The following PDCD2L variants were observed in gnomAD, a reference collection of about 807,000 sequenced individuals.
PDCD2L encodes uS5 assembly chaperone PDCD2L.
PDCD2L carries 44 observed loss-of-function variants against 40.4 expected under a neutral mutation model. That is an observed-to-expected ratio of 1.09 (90% CI 0.86 to 1.40). The LOEUF (loss-of-function observed/expected upper bound fraction) is 1.40, where lower values mean the gene tolerates loss of function less well. Ranked by LOEUF, PDCD2L falls within the 40% of genes most tolerant of loss-of-function variation. The pLI is 0.00. For missense variants in PDCD2L, 470 were observed against 453.7 expected (o/e 1.04, Z -0.33); for synonymous variants, 194 against 174.6 (o/e 1.11, Z -0.88).
At chr19:34,404,588 G>A in intron 1 of PDCD2L, 50 bp downstream of exon 1, 2 of 1,587,268 alleles carry the variant, frequency 1.3e-6, no homozygotes, top group Non-Finnish European at 1.7e-6. Flanking sequence ...TGAAGGGTGC[G>A]GAGGGAGTGG....
At chr19:34,408,884 C>T (rs1373852347) in intron 3 of PDCD2L, among the ~76,000 whole-genome samples, 1 of 152,170 alleles carries the variant, frequency 6.6e-6, no homozygotes. Flanking sequence ...TCCTGCAATA[C>T]ATGAAGCACA....
At chr19:34,412,105 C>T (rs138000005) in intron 4 of PDCD2L, among the ~76,000 whole-genome samples, 2,303 of 151,552 alleles carry the variant, frequency 0.015, 54 homozygotes, top group African/African-American at 0.054. Flanking sequence ...TTGCAACCTC[C>T]ACCTCCCAGG....
intron 4 of PDCD2L, among the ~76,000 whole-genome samples, chr19:34,410,850 T>A (rs1266338960): frequency 6.6e-6 from 1 of 151,368 alleles, no homozygotes; most frequent in Non-Finnish European, 1.5e-5. Context: ...AGTGGTGCGA[T>A]CTCGGCTCAC....
rs754032924 is a variant in PDCD2L, at chr19:34,419,773, C to CTTTTTTTTTTTTTT, written c.798-1738_798-1725dup. On this transcript the variant is annotated intron_variant, in intron 5 of 6. Transcript: ENST00000246535. ...CTTTTATTTTTAACTCTTTATGTTG[C>CTTTTTTTTTTTTTT]TTTTTTTTTTTTTTTTTTTTTAAGA... 3.0e-4 allele frequency among the ~76,000 whole-genome samples: 11 copies of CTTTTTTTTTTTTTT among 36,628 alleles called. 3 individuals carry two copies. The highest frequency in any genetic ancestry group is 1.4e-3 in the South Asian group (1 of 720). The allele number at this position is 36,628 out of a possible 152,430, so 24.0% of individuals were successfully genotyped here.
At chr19:34,419,355 A>G (rs927831870) in intron 5 of PDCD2L, among the ~76,000 whole-genome samples, 3 of 151,944 alleles carry the variant, frequency 2.0e-5, no homozygotes, top group Admixed American at 6.6e-5. Flanking sequence ...AGGTTTCGCT[A>G]TGTTGGCCAG....
chr19:34,420,913 G>A (rs1004964393), intron 5 of PDCD2L, among the ~76,000 whole-genome samples: 5 of 152,184 alleles, frequency 3.3e-5, no homozygotes, highest in Admixed American at 2.0e-4. Flanking sequence ...AGACTGAGGT[G>A]GGGGATGTGG....
chr19:34,406,000 G>A (rs1391622804), intron 3 of PDCD2L, among the ~76,000 whole-genome samples: 2 of 152,160 alleles, frequency 1.3e-5, no homozygotes, highest in African/African-American at 4.8e-5. Flanking sequence ...AATTAGCCAG[G>A]CATGATGGCC....
At chr19:34,408,362 G>A (rs899328175) in intron 3 of PDCD2L, among the ~76,000 whole-genome samples, 4 of 149,220 alleles carry the variant, frequency 2.7e-5, no homozygotes, top group African/African-American at 7.4e-5. Flanking sequence ...ACCGAGTGTC[G>A]CTCTGTCACC....
chr19:34,404,873 G>C, intron 2 of PDCD2L, 57 bp from the exon 3 acceptor site: 1 of 1,610,614 alleles, frequency 6.2e-7, no homozygotes, highest in Non-Finnish European at 8.5e-7. Context: ...GGCTGGGGCG[G>C]GCCGGCGGGC....
chr19:34,425,287 T>C (rs900665474), intron 6 of PDCD2L, among the ~76,000 whole-genome samples: 1 of 151,512 alleles, frequency 6.6e-6, no homozygotes, highest in Non-Finnish European at 1.5e-5. Context: ...TCCTATGATA[T>C]ATATTTCTCT....
chr19:34,412,579 G>C (rs1456327226), intron 4 of PDCD2L, among the ~76,000 whole-genome samples: 1 of 151,882 alleles, frequency 6.6e-6, no homozygotes, highest in South Asian at 2.1e-4. Context: ...TTAGCTGGAC[G>C]TGTTGGCGCA....
chr19:34,421,500 C>A lies in PDCD2L; in HGVS notation c.798-19C>A, dbSNP rs770379422. ...ACTTGTGTGGCTCTGATTCGGGGTT[C>A]TTTGTTTCCTTGTCCTAGGTATTCC... On this transcript the variant is annotated intron_variant, in intron 5 of 6. Coordinates refer to ENST00000246535, the MANE Select transcript of PDCD2L (RefSeq NM_032346.2). The A allele has an allele frequency of 6.2e-7, 1 of 1,612,622 alleles. No homozygotes were observed. The highest frequency in any genetic ancestry group is 1.3e-5 in the African/African-American group (1 of 74,824).
chr19:34,413,805 A>C lies in PDCD2L; in HGVS notation c.755A>C (p.Lys252Thr), dbSNP rs1179615555. Residue 252 changes from lysine (K) to threonine (T), a missense_variant, in exon 5 of 7, where the codon AAA becomes ACA. Coordinates refer to ENST00000246535, the MANE Select transcript of PDCD2L (RefSeq NM_032346.2). ...IIKSGDQTFYKFMKRIAACQE... is the reference protein window; with the variant it reads ...IIKSGDQTFYTFMKRIAACQE... ...AAAAGTGGAGATCAGACGTTTTACAAATTCATGAAGCGAATTGCTGCTTGT... is the reference window on the plus strand; with the variant it reads ...AAAAGTGGAGATCAGACGTTTTACACATTCATGAAGCGAATTGCTGCTTGT... The C allele has an allele frequency of 1.2e-6, 2 of 1,608,694 alleles. No homozygotes were observed. The highest frequency in any genetic ancestry group is 2.2e-5 in the South Asian group (2 of 90,288).
At chr19:34,410,677 A>G (rs1205689548) in intron 4 of PDCD2L, among the ~76,000 whole-genome samples, 2 of 152,160 alleles carry the variant, frequency 1.3e-5, no homozygotes, top group Non-Finnish European at 2.9e-5. Context: ...CTTTTTCAGA[A>G]TAATGATGAA....
intron 6 of PDCD2L, among the ~76,000 whole-genome samples, chr19:34,424,120 A>G (rs2075165330): frequency 6.8e-6 from 1 of 148,106 alleles, no homozygotes; most frequent in Admixed American, 6.7e-5. Context: ...GCCTCCTGTC[A>G]TTTCTTGGTG....
chr19:34,412,862 T>A (rs2075110306), intron 4 of PDCD2L, among the ~76,000 whole-genome samples: 1 of 151,638 alleles, frequency 6.6e-6, no homozygotes, highest in Non-Finnish European at 1.5e-5. Flanking sequence ...GCCTTGCCTC[T>A]GGAATAGCCG....
rs747943554 is a variant in PDCD2L, at chr19:34,404,688, C to T, written c.148C>T (p.Gln50Ter). ...CGTGGCTGCGCCCAGGCCCGTGTGTCAGCGCTGCGGGCAGCCGCTCGCTCT... is the reference window on the plus strand; with the variant it reads ...CGTGGCTGCGCCCAGGCCCGTGTGTTAGCGCTGCGGGCAGCCGCTCGCTCT... ...PTVAAPRPVCQRCGQPLALVV... is the reference protein window; with the variant it reads ...PTVAAPRPVC The change falls in exon 2 of 7, where the codon CAG becomes TAG. Residue 50 changes from glutamine (Q) to a stop codon, truncating the protein, a stop_gained. Transcript: ENST00000246535. LOFTEE classifies it high-confidence loss of function. 3.5e-5 allele frequency: 57 copies of T among 1,612,080 alleles called. No individual in the cohort carries two copies. The highest frequency in any genetic ancestry group is 4.7e-5 in the Non-Finnish European group (56 of 1,179,830).
intron 4 of PDCD2L, among the ~76,000 whole-genome samples, chr19:34,410,230 G>A (rs1264938189): frequency 6.6e-6 from 1 of 152,154 alleles, no homozygotes; most frequent in Non-Finnish European, 1.5e-5. Flanking sequence ...CAAGTAGCTG[G>A]GAGTACAGGT....
At position 34,404,478 on chromosome 19, in the gene PDCD2L, G is replaced by C. The variant is rs1229352424; in HGVS notation, c.48G>C (p.Pro16=). The C allele has an allele frequency of 6.5e-7, 1 of 1,544,144 alleles. No individual in the cohort carries two copies. Among genetic ancestry groups the C allele is most frequent in the Admixed American group, 2.0e-5 (1 of 50,984 alleles). Residue 16 remains proline, a synonymous_variant, in exon 1 of 7, where the codon CCG becomes CCC. Coordinates refer to ENST00000246535, the MANE Select transcript of PDCD2L (RefSeq NM_032346.2). ...TGCTGCTGGGCCTTCGAGATGCGCC[G>C]GTGCACGGCAGCCCCACAGGGCCGG... The part of the protein sequence containing the change: ...KPVLLGLRDA[P]VHGSPTGPGA...
Sources: gnomAD v4.1 joint callset for allele counts (sites outside exome capture counted in the v4.1 genomes callset) on GRCh38, gnomAD v4.1.1 for gene constraint, MANE v1.5 for transcripts, NCBI Gene and HGNC (gene_info 2026-07-23, HGNC 2026-07-21) for gene names.